The following ATRNL1 variants were observed in gnomAD, a reference collection of about 807,000 sequenced individuals.
ATRNL1 encodes the protein attractin-like protein 1.
A neutral mutation model predicts 182.7 loss-of-function variants in ATRNL1; 95 were observed. The observed-to-expected ratio is 0.52, with a 90% CI of 0.44 to 0.62. The LOEUF is 0.62. Ranked by LOEUF, ATRNL1 falls within the 20% of genes least tolerant of loss-of-function variation. The pLI is 0.00. For synonymous variants in ATRNL1, 576 were observed against 568.3 expected, an observed-to-expected ratio of 1.01 and a Z score of -0.19; for missense variants, 1,471 against 1,679.5, an observed-to-expected ratio of 0.88 and a Z score of 2.17.
chr10:115,723,069 T>G (rs565634706), intron 26 of ATRNL1, among the ~76,000 whole-genome samples: 1 of 152,292 alleles, frequency 6.6e-6, no homozygotes, highest in South Asian at 2.1e-4. Flanking sequence ...ATCAACTAAG[T>G]ATTGTGGGGA....
At chr10:115,892,644 C>T (rs1488389650) in intron 28 of ATRNL1, among the ~76,000 whole-genome samples, 1 of 152,112 alleles carries the variant, frequency 6.6e-6, no homozygotes, top group Non-Finnish European at 1.5e-5. Context: ...CCTGAGTTTC[C>T]TCAAGCCACC....
chr10:115,465,872 C>T (rs1445509734), intron 22 of ATRNL1, among the ~76,000 whole-genome samples: 1 of 151,454 alleles, frequency 6.6e-6, no homozygotes, highest in African/African-American at 2.4e-5. Context: ...TTTTTGAAAT[C>T]TTATTTGCCT....
chr10:115,572,148 A>C lies in ATRNL1; in HGVS notation c.3795+22612A>C, dbSNP rs527685124. On this transcript the variant is annotated intron_variant, in intron 26 of 28. Coordinates refer to ENST00000355044, the MANE Select transcript of ATRNL1 (RefSeq NM_207303.4). The stretch of plus-strand genomic sequence containing the variant: ...TAATGACAGTTATATTACTCTAAAT[A>C]TATTACAATTCATTTAATTGTACAT... Among the ~76,000 whole-genome samples, 3 of 152,300 alleles carry C rather than the reference A, an allele frequency of 2.0e-5. No homozygotes were observed. In the South Asian group the frequency reaches 6.2e-4, roughly 32 times the overall value.
At chr10:115,239,815 C>T (rs1850338367) in intron 9 of ATRNL1, among the ~76,000 whole-genome samples, 1 of 152,126 alleles carries the variant, frequency 6.6e-6, no homozygotes, top group Non-Finnish European at 1.5e-5. Context: ...TGAGTGGCAA[C>T]TGGGCAGAGG....
rs74161619 is a variant in ATRNL1, at chr10:115,636,654, A to G, written c.3795+87118A>G. Among the ~76,000 whole-genome samples the G allele has an allele frequency of 9.6e-3, 1,470 of 152,340 alleles. 24 individuals carry two copies. The highest frequency in any genetic ancestry group is 0.033 in the African/African-American group (1,386 of 41,576). On this transcript the variant is annotated intron_variant, in intron 26 of 28. Transcript: ENST00000355044. ...ATCTTTTATAGGAAATAGTTTGGCT[A>G]TACCTCAAGGTATTAAACATAGGTT... is the stretch of plus-strand genomic sequence containing the variant.
intron 26 of ATRNL1, among the ~76,000 whole-genome samples, chr10:115,702,204 A>G (rs1946759240): frequency 6.6e-6 from 1 of 151,860 alleles, no homozygotes; most frequent in South Asian, 2.1e-4. Flanking sequence ...AAAAGTTTTC[A>G]ATAAAATCCA....
chr10:115,502,702 G>T (rs1481246360), intron 24 of ATRNL1, among the ~76,000 whole-genome samples: 2 of 151,992 alleles, frequency 1.3e-5, no homozygotes, highest in African/African-American at 4.8e-5. Flanking sequence ...GCCTTAATGT[G>T]CCTTTGACAT....
chr10:115,428,679 G>A (rs1159981399), intron 21 of ATRNL1, among the ~76,000 whole-genome samples: 2 of 151,866 alleles, frequency 1.3e-5, no homozygotes. Context: ...AGTGATTTTA[G>A]TATTTTTAAT....
chr10:115,798,804 CTT>C (rs544708882), intron 27 of ATRNL1, among the ~76,000 whole-genome samples: 2 of 145,470 alleles, frequency 1.4e-5, no homozygotes, highest in Non-Finnish European at 3.0e-5. Context: ...AATGAGGTTG[CTT>C]TTTTTTTCTT....
At chr10:115,344,972 T>C (rs1855912013) in intron 19 of ATRNL1, among the ~76,000 whole-genome samples, 1 of 152,164 alleles carries the variant, frequency 6.6e-6, no homozygotes, top group Non-Finnish European at 1.5e-5. Flanking sequence ...TTCTGACTGG[T>C]GCCAAGACAA....
At chr10:115,388,975 ATATATT>A (rs1554953410) in intron 19 of ATRNL1, among the ~76,000 whole-genome samples, 1 of 152,162 alleles carries the variant, frequency 6.6e-6, no homozygotes, top group East Asian at 1.9e-4. Flanking sequence ...ATTTTGAAAT[ATATATT>A]CTGTCCAGTA....
rs71010020 is a variant in ATRNL1, at chr10:115,389,538, GTGTATATATATATATATA to G, written c.3176-5119_3176-5102del. 2.3e-4 allele frequency among the ~76,000 whole-genome samples: 12 copies of G among 51,414 alleles called. 1 individual carries two copies. The highest frequency in any genetic ancestry group is 5.7e-4 in the East Asian group (1 of 1,762). The allele number at this position is 51,414 out of a possible 152,430, so 33.7% of individuals were successfully genotyped here. Reference sequence around the variant, plus strand: ...AGCTGAATAGTATTCAAATGTGTATGTGTATATATATATATATATATATATATATATATATATATATAT... The same window carrying G: ...AGCTGAATAGTATTCAAATGTGTATGTATATATATATATATATATATATAT... On this transcript the variant is annotated intron_variant, in intron 19 of 28. Transcript: ENST00000355044.
chr10:115,900,822 A>G (rs1409369999), intron 28 of ATRNL1, among the ~76,000 whole-genome samples: 3 of 152,246 alleles, frequency 2.0e-5, no homozygotes, highest in Non-Finnish European at 2.9e-5. Context: ...CCTATAATCA[A>G]TAATAAAAAA....
At chr10:115,837,165 C>T (rs1391181514) in intron 27 of ATRNL1, among the ~76,000 whole-genome samples, 1 of 152,056 alleles carries the variant, frequency 6.6e-6, no homozygotes, top group Non-Finnish European at 1.5e-5. Context: ...GTTGAGTTCA[C>T]ACAGTAAAAT....
At chr10:115,127,373 A>G (rs1326894401) in intron 3 of ATRNL1, among the ~76,000 whole-genome samples, 1 of 152,168 alleles carries the variant, frequency 6.6e-6, no homozygotes, top group East Asian at 1.9e-4. Flanking sequence ...AAAATGGGGT[A>G]CAGTGGCATG....
chr10:115,693,849 C>T (rs957203759), intron 26 of ATRNL1, among the ~76,000 whole-genome samples: 6 of 151,960 alleles, frequency 3.9e-5, no homozygotes, highest in Non-Finnish European at 5.9e-5. Flanking sequence ...TTCTCATGGG[C>T]GCCCTGCAAT....
At chr10:115,458,520 A>G (rs1847636194) in intron 21 of ATRNL1, among the ~76,000 whole-genome samples, 1 of 152,110 alleles carries the variant, frequency 6.6e-6, no homozygotes, top group Non-Finnish European at 1.5e-5. Flanking sequence ...TACACAAGAT[A>G]CTTCATACTG....
At chr10:115,807,686 G>A (rs1949953037) in intron 27 of ATRNL1, among the ~76,000 whole-genome samples, 1 of 152,264 alleles carries the variant, frequency 6.6e-6, no homozygotes, top group East Asian at 1.9e-4. Flanking sequence ...CAATCAATAT[G>A]TATTGCCACT....
chr10:115,118,509 G>C (rs1291661171), intron 1 of ATRNL1, among the ~76,000 whole-genome samples: 1 of 152,086 alleles, frequency 6.6e-6, no homozygotes. Flanking sequence ...GTTTTCTGCT[G>C]CTCAGATGAC....
Sources: gnomAD v4.1 joint callset for allele counts (sites outside exome capture counted in the v4.1 genomes callset) on GRCh38, gnomAD v4.1.1 for gene constraint, MANE v1.5 for transcripts, NCBI Gene and HGNC (gene_info 2026-07-23, HGNC 2026-07-21) for gene names.